ZFYVE28: variants seen among roughly 807,000 people sequenced by gnomAD.
ZFYVE28 encodes zinc finger FYVE-type containing 28, also known as lateral signaling target protein 2 homolog.
A neutral mutation model predicts 82.1 loss-of-function variants in ZFYVE28; 40 were observed. That is an observed-to-expected ratio of 0.49 (90% confidence interval 0.38 to 0.63). ZFYVE28 has a LOEUF of 0.63. ZFYVE28 is among the 30% of genes least tolerant of loss of function. ZFYVE28 has a pLI of 0.00. For synonymous variants in ZFYVE28, 612 were observed against 546.1 expected, an observed-to-expected ratio of 1.12 and a Z score of -1.68; for missense variants, 1,321 against 1,242.1, an observed-to-expected ratio of 1.06 and a Z score of -0.96.
chr4:2,338,069 C>T (rs941803060), intron 4 of ZFYVE28, among the ~76,000 whole-genome samples: 2 of 152,246 alleles, frequency 1.3e-5, no homozygotes, highest in African/African-American at 2.4e-5. Flanking sequence ...GGGACCATCC[C>T]CCACCTTGGC....
chr4:2,322,419 C>T (rs1287258219), intron 6 of ZFYVE28, among the ~76,000 whole-genome samples: 1 of 152,028 alleles, frequency 6.6e-6, no homozygotes, highest in East Asian at 1.9e-4. Context: ...CAGGGGTAAG[C>T]AGCACCCACT....
At chr4:2,368,817 G>GTATA (rs1727191336) in intron 1 of ZFYVE28, among the ~76,000 whole-genome samples, 1 of 152,194 alleles carries the variant, frequency 6.6e-6, no homozygotes, top group African/African-American at 2.4e-5. Flanking sequence ...AGCTCTCTGG[G>GTATA]TATATATCTA....
intron 8 of ZFYVE28, among the ~76,000 whole-genome samples, chr4:2,278,238 T>C (rs1171237542): frequency 7.1e-6 from 1 of 141,784 alleles, no homozygotes; most frequent in Non-Finnish European, 1.5e-5. Context: ...TTTTTTTTTT[T>C]GAGATGGTGT....
chr4:2,331,006 G>A (rs765143593), intron 6 of ZFYVE28: 21 of 1,533,584 alleles, frequency 1.4e-5, no homozygotes, highest in African/African-American at 5.5e-5. Flanking sequence ...CCACGTGGGC[G>A]GTGGCTCCTG....
At chr4:2,330,681 G>A in intron 6 of ZFYVE28, 1 of 1,441,634 alleles carries the variant, frequency 6.9e-7, no homozygotes, top group African/African-American at 1.4e-5. Flanking sequence ...GGACAGCATG[G>A]CCAAGAGGAC....
intron 1 of ZFYVE28, among the ~76,000 whole-genome samples, chr4:2,363,708 G>C (rs1726472932): frequency 1.3e-5 from 2 of 152,242 alleles, no homozygotes; most frequent in African/African-American, 4.8e-5. Context: ...CCAGGATGCA[G>C]TGCCCACAGG....
At chr4:2,319,466 TG>T (rs1331284295) in intron 7 of ZFYVE28, among the ~76,000 whole-genome samples, 1 of 152,124 alleles carries the variant, frequency 6.6e-6, no homozygotes, top group Non-Finnish European at 1.5e-5. Flanking sequence ...CTGGCCCTCA[TG>T]GGGCAGAGTT....
At chr4:2,329,831 C>T (rs561141816) in intron 6 of ZFYVE28, among the ~76,000 whole-genome samples, 1 of 152,266 alleles carries the variant, frequency 6.6e-6, no homozygotes, top group African/African-American at 2.4e-5. Flanking sequence ...TCCCTTAATT[C>T]TGGATATCCA....
intron 1 of ZFYVE28, among the ~76,000 whole-genome samples, chr4:2,356,645 G>A (rs1467421365): frequency 3.3e-5 from 5 of 152,324 alleles, no homozygotes; most frequent in South Asian, 2.1e-4. Context: ...GTCGCCCAGC[G>A]ACCCCTCCGT....
At chr4:2,413,392 G>A (rs906265333) in intron 1 of ZFYVE28, among the ~76,000 whole-genome samples, 2 of 152,238 alleles carry the variant, frequency 1.3e-5, no homozygotes, top group African/African-American at 4.8e-5. Flanking sequence ...ATGCAGAGCC[G>A]CCGGGGGAGC....
intron 6 of ZFYVE28, chr4:2,328,626 A>G (rs561601886): frequency 6.5e-6 from 1 of 152,854 alleles, no homozygotes; most frequent in African/African-American, 2.4e-5. Flanking sequence ...TTCATAGATT[A>G]TAACACAACT....
intron 8 of ZFYVE28, among the ~76,000 whole-genome samples, chr4:2,281,562 A>G (rs1031777636): frequency 7.9e-5 from 12 of 152,186 alleles, no homozygotes; most frequent in Non-Finnish European, 1.0e-4. Flanking sequence ...ACCCCACTGC[A>G]GCAATAACAA....
intron 1 of ZFYVE28, chr4:2,364,820 C>A: frequency 2.0e-6 from 2 of 985,586 alleles, no homozygotes; most frequent in Non-Finnish European, 2.4e-6. Flanking sequence ...ATGGCGGGGG[C>A]TGTGTTCCGC....
At position 2,338,019 on chromosome 4, in the gene ZFYVE28, C is replaced by A. The variant is rs560425817; in HGVS notation, c.522-523G>T. Among the ~76,000 whole-genome samples, 92 of 152,358 alleles carry A rather than the reference C, an allele frequency of 6.0e-4. 1 individual carries two copies. Among genetic ancestry groups the A allele is most frequent in the Non-Finnish European group, 1.1e-3 (78 of 68,038 alleles). ...GTTGTGCCAGCTCCCAGGGCTCACCCTGGAGCCTGACCACCCTGGACCCAG... is the reference window on the plus strand; with the variant it reads ...GTTGTGCCAGCTCCCAGGGCTCACCATGGAGCCTGACCACCCTGGACCCAG... On this transcript the variant is annotated intron_variant, in intron 4 of 12. Coordinates refer to ENST00000290974, the MANE Select transcript of ZFYVE28 (RefSeq NM_020972.3).
intron 1 of ZFYVE28, among the ~76,000 whole-genome samples, chr4:2,380,148 T>A (rs1728586485): frequency 6.6e-6 from 1 of 152,234 alleles, no homozygotes; most frequent in African/African-American, 2.4e-5. Context: ...GTGACACATC[T>A]TGGTACACCA....
At chr4:2,392,625 G>A (rs1049468339) in intron 1 of ZFYVE28, among the ~76,000 whole-genome samples, 5 of 152,186 alleles carry the variant, frequency 3.3e-5, no homozygotes, top group African/African-American at 1.2e-4. Context: ...CTGCATCCTA[G>A]TGACTCTTAA....
rs527518831 is a variant in ZFYVE28, at chr4:2,378,204, G to A, written c.40-24131C>T. Among the ~76,000 whole-genome samples, 327 of 152,308 alleles carry A rather than the reference G, an allele frequency of 2.1e-3. 1 individual carries two copies. The highest frequency in any genetic ancestry group is 7.5e-3 in the African/African-American group (311 of 41,560). The stretch of plus-strand genomic sequence containing the variant: ...AAAAATGCAAAAATTAACCAGGCAC[G>A]GTAGTGCACGCCTGCAGTCCCAGCT... On this transcript the variant is annotated intron_variant, in intron 1 of 12. Transcript: ENST00000290974.
chr4:2,297,848 CG>C (rs1714852667), intron 8 of ZFYVE28, among the ~76,000 whole-genome samples: 1 of 133,096 alleles, frequency 7.5e-6, no homozygotes, highest in African/African-American at 2.9e-5. Flanking sequence ...CACAGTGACA[CG>C]GCGGGCTGTG....
chr4:2,337,027 C>G (rs993177957), intron 5 of ZFYVE28, among the ~76,000 whole-genome samples: 3,737 of 33,068 alleles, frequency 0.11, 28 homozygotes, highest in African/African-American at 0.2. Flanking sequence ...GGAGTGAGGA[C>G]ATGAGGAGTG....
Sources: gnomAD v4.1 joint callset for allele counts (sites outside exome capture counted in the v4.1 genomes callset) on GRCh38, gnomAD v4.1.1 for gene constraint, MANE v1.5 for transcripts, NCBI Gene and HGNC (gene_info 2026-07-23, HGNC 2026-07-21) for gene names.